CACNG6: variants seen among roughly 807,000 people sequenced by gnomAD.
The protein encoded by CACNG6 is calcium voltage-gated channel auxiliary subunit gamma 6.
A neutral mutation model predicts 23.9 loss-of-function variants in CACNG6; 21 were observed. That is an observed-to-expected ratio of 0.88 (90% confidence interval 0.62 to 1.26). CACNG6 has a LOEUF of 1.26. CACNG6 is among the 50% of genes most tolerant of loss of function. The pLI, the probability that CACNG6 is intolerant of heterozygous loss-of-function variation, is 0.00. For synonymous variants in CACNG6, 182 were observed against 168.9 expected (o/e 1.08, Z -0.60); for missense variants, 340 against 352.9 (o/e 0.96, Z 0.29).
intron 1 of CACNG6, among the ~76,000 whole-genome samples, chr19:53,997,231 ACT>A (rs2069529564): frequency 6.6e-6 from 1 of 152,040 alleles, no homozygotes; most frequent in Admixed American, 6.6e-5. Flanking sequence ...TTTGATCAAC[ACT>A]GTGTTTCTCA....
chr19:54,009,807 TCCCAG>T (rs1209866237), intron 3 of CACNG6, among the ~76,000 whole-genome samples: 2 of 149,518 alleles, frequency 1.3e-5, no homozygotes, highest in Non-Finnish European at 3.0e-5. Context: ...CAGCCTGTAA[TCCCAG>T]CTACTCGGGA....
At chr19:54,004,338 TGTGTG>T (rs2069614024) in intron 3 of CACNG6, among the ~76,000 whole-genome samples, 242 of 20,720 alleles carry the variant, frequency 0.012, 3 homozygotes, top group South Asian at 0.046. Flanking sequence ...TGTATTTTTG[TGTGTG>T]TGTGTGTGTG....
chr19:54,007,710 C>T lies in CACNG6; in HGVS notation c.545-4241C>T, dbSNP rs548385071. On this transcript the variant is annotated intron_variant, in intron 3 of 3. Coordinates refer to ENST00000252729, the MANE Select transcript of CACNG6 (RefSeq NM_145814.2). ...CCAGGAGTTTGAGACCAGCCCGGGG[C>T]AATGTAGAAAGATCCCGTCTCTACA... Among the ~76,000 whole-genome samples, 4 of 151,244 alleles carry T rather than the reference C, an allele frequency of 2.6e-5. No individual in the cohort carries two copies. In the South Asian group the frequency reaches 8.4e-4, roughly 32 times the overall value.
intron 1 of CACNG6, 74 bp downstream of exon 1, chr19:53,993,282 G>A: frequency 7.1e-7 from 1 of 1,411,744 alleles, no homozygotes; most frequent in Non-Finnish European, 9.4e-7. Context: ...TGTCCGAGGA[G>A]AAAACCCGCC....
In CACNG6 at chr19:53,995,725, G is replaced by A. The variant is rs187191162; in HGVS notation, c.332-2514G>A. On this transcript the variant is annotated intron_variant, in intron 1 of 3. Transcript: ENST00000252729. ...TGCCCCGGCTGGAGTGCAATGGCAC[G>A]ATCTCGGCCCACTGCAACCTCTGCC... Among the ~76,000 whole-genome samples the A allele has an allele frequency of 8.8e-3, 1,348 of 152,342 alleles. 11 individuals are homozygous for A. The highest frequency in any genetic ancestry group is 0.012 in the Non-Finnish European group (826 of 68,038).
intron 1 of CACNG6, among the ~76,000 whole-genome samples, chr19:53,993,527 C>T (rs867359061): frequency 2.3e-5 from 3 of 130,266 alleles, no homozygotes; most frequent in Middle Eastern, 4.1e-3. Flanking sequence ...CCAGGCCATC[C>T]TGTACCCCCA....
intron 3 of CACNG6, among the ~76,000 whole-genome samples, chr19:54,008,372 T>TAAAC (rs1303410253): frequency 1.3e-5 from 2 of 150,966 alleles, no homozygotes; most frequent in Non-Finnish European, 3.0e-5. Context: ...CCAAAACCGG[T>TAAAC]AAACAAACAA....
intron 2 of CACNG6, among the ~76,000 whole-genome samples, 194 bp downstream of exon 2, chr19:53,998,507 A>G (rs1202614452): frequency 7.9e-6 from 1 of 126,010 alleles, no homozygotes. Context: ...GAATCTAGAG[A>G]ACTCTTTTTT....
chr19:54,009,887 G>T (rs113108209), intron 3 of CACNG6, among the ~76,000 whole-genome samples: 6,930 of 149,778 alleles, frequency 0.046, 492 homozygotes, highest in African/African-American at 0.15. Context: ...GATTGCCACT[G>T]CACTCCAGCC....
At chr19:53,995,036 C>T (rs1802575230) in intron 1 of CACNG6, among the ~76,000 whole-genome samples, 1 of 151,790 alleles carries the variant, frequency 6.6e-6, no homozygotes, top group Non-Finnish European at 1.5e-5. Context: ...TTATCACTCC[C>T]GTTCTAGAGA....
chr19:54,009,282 G>A (rs764265866), intron 3 of CACNG6, among the ~76,000 whole-genome samples: 41 of 152,062 alleles, frequency 2.7e-4, no homozygotes, highest in Non-Finnish European at 4.9e-4. Flanking sequence ...TTAGCCAGGC[G>A]TGGTGGCGTG....
chr19:54,005,242 T>C (rs1303159510), intron 3 of CACNG6, among the ~76,000 whole-genome samples: 1 of 102,934 alleles, frequency 9.7e-6, no homozygotes, highest in African/African-American at 5.4e-5. Flanking sequence ...AATAAATAAA[T>C]AAATAAATAA....
intron 3 of CACNG6, among the ~76,000 whole-genome samples, chr19:54,011,205 A>ATAT (rs1555819786): frequency 8.8e-5 from 9 of 102,504 alleles, no homozygotes; most frequent in East Asian, 8.5e-4. Flanking sequence ...AAAAAAAAAA[A>ATAT]ATATATATAT....
intron 3 of CACNG6, among the ~76,000 whole-genome samples, chr19:54,008,617 C>G (rs143659228): frequency 3.8e-4 from 58 of 152,346 alleles, no homozygotes; most frequent in African/African-American, 1.3e-3. Flanking sequence ...TCTCTTTTCT[C>G]CAAACACTCT....
intron 3 of CACNG6, among the ~76,000 whole-genome samples, chr19:54,001,246 T>A (rs1254946718): frequency 6.6e-6 from 1 of 151,872 alleles, no homozygotes; most frequent in East Asian, 1.9e-4. Flanking sequence ...TGGAGTGCAG[T>A]GGCACAATCT....
At position 53,992,903 on chromosome 19, in the gene CACNG6, A is replaced by G. The variant is rs776676191; in HGVS notation, c.26A>G (p.Gln9Arg). 7.1e-7 allele frequency: 1 copy of G among 1,406,480 alleles called. No individual in the cohort carries two copies. The highest frequency in any genetic ancestry group is 9.2e-7 in the Non-Finnish European group (1 of 1,082,468). 87.1% of individuals were successfully genotyped at this position (1,406,480 alleles called of 1,614,324 possible). ...ATGATGTGGTCCAACTTCTTCCTGCAAGAGGAGAACCGGCGGCGGGGGGCC... is the reference window on the plus strand; with the variant it reads ...ATGATGTGGTCCAACTTCTTCCTGCGAGAGGAGAACCGGCGGCGGGGGGCC... MMWSNFFL[Q>R]EENRRRGAAG... Residue 9 changes from glutamine (Q) to arginine (R), a missense_variant, in exon 1 of 4, where the codon CAA (glutamine) becomes CGA (arginine). Transcript: ENST00000252729. The surrounding 1 kb of genome is among the most constrained non-coding windows in gnomAD (Gnocchi z 4.1).
At chr19:54,002,290 T>TTTTTTTTTG (rs2069587659) in intron 3 of CACNG6, among the ~76,000 whole-genome samples, 1 of 144,814 alleles carries the variant, frequency 6.9e-6, no homozygotes, top group African/African-American at 2.7e-5. Context: ...TTTTGTTTTT[T>TTTTTTTTTG]TTTTTTTTGT....
chr19:54,004,435 G>A (rs539593420), intron 3 of CACNG6, among the ~76,000 whole-genome samples: 4 of 146,880 alleles, frequency 2.7e-5, no homozygotes, highest in African/African-American at 5.0e-5. Context: ...GGCTGGCCTC[G>A]AACTCCTGAT....
At chr19:54,005,031 GA>G (rs2069625165) in intron 3 of CACNG6, among the ~76,000 whole-genome samples, 1 of 150,468 alleles carries the variant, frequency 6.6e-6, no homozygotes. Context: ...CTACCATGGT[GA>G]AACCCTGACT....
Sources: allele counts gnomAD v4.1 joint callset (sites outside exome capture counted in the v4.1 genomes callset), GRCh38; gene constraint gnomAD v4.1.1; non-coding constraint Gnocchi (gnomAD v3.1); transcripts MANE v1.5; gene names NCBI Gene and HGNC (gene_info 2026-07-23, HGNC 2026-07-21).